The following ZNF607 variants were observed in gnomAD, a reference collection of about 807,000 sequenced individuals.
ZNF607 encodes the protein zinc finger protein 607.
ZNF607 carries 5 observed loss-of-function variants against 12.8 expected under a neutral mutation model. That is an observed-to-expected ratio of 0.39 (90% CI 0.20 to 0.82). ZNF607 has a LOEUF of 0.82. Ranked by LOEUF, ZNF607 falls within the 40% of genes least tolerant of loss-of-function variation. ZNF607 has a pLI of 0.39. For synonymous variants in ZNF607, 287 were observed against 276.2 expected (o/e 1.04, Z -0.39); for missense variants, 851 against 859.2 (o/e 0.99, Z 0.12).
intron 1 of ZNF607, among the ~76,000 whole-genome samples, chr19:37,717,319 G>A (rs1415145815): frequency 1.3e-5 from 2 of 152,046 alleles, no homozygotes; most frequent in Admixed American, 6.5e-5. Context: ...CCGACTAGCT[G>A]GGACTACAGG....
At chr19:37,711,308 C>A (rs964938661) in intron 2 of ZNF607, among the ~76,000 whole-genome samples, 1 of 152,150 alleles carries the variant, frequency 6.6e-6, no homozygotes, top group Non-Finnish European at 1.5e-5. Flanking sequence ...ACCTGAAATG[C>A]GTATTATCTG....
chr19:37,713,613 T>C (rs1227759632), intron 1 of ZNF607, among the ~76,000 whole-genome samples: 7 of 152,010 alleles, frequency 4.6e-5, no homozygotes, highest in African/African-American at 1.7e-4. Flanking sequence ...CTAATTTTTG[T>C]ATTTTTAGTA....
Position 37,697,066 on chromosome 19 carries a change from CCT to C in ZNF607, c.*972_*973del. 2 of 741,076 alleles carry C rather than the reference CCT, an allele frequency of 2.7e-6. No homozygotes were observed. Among genetic ancestry groups the C allele is most frequent in the African/African-American group, 1.7e-5 (1 of 58,268 alleles). 45.9% of individuals were successfully genotyped at this position (741,076 alleles called of 1,614,324 possible). On this transcript the variant is annotated 3_prime_UTR_variant, in exon 5 of 5. Coordinates refer to ENST00000355202, the MANE Select transcript of ZNF607 (RefSeq NM_032689.5). ...AACGGCAGCACACACTCATCGTAGT[CCT>C]CTCCAATGCTGGTGAAGATGCGAGG...
chr19:37,714,632 G>C (rs1303078779), intron 1 of ZNF607, among the ~76,000 whole-genome samples: 1 of 151,206 alleles, frequency 6.6e-6, no homozygotes, highest in Admixed American at 6.6e-5. Flanking sequence ...TAAGAAGACA[G>C]GCTGTCTTCT....
At chr19:37,711,246 C>T (rs546105632) in intron 2 of ZNF607, among the ~76,000 whole-genome samples, 1 of 152,158 alleles carries the variant, frequency 6.6e-6, no homozygotes, top group African/African-American at 2.4e-5. Flanking sequence ...AAAGACTTCC[C>T]ATGGATGGTC....
At position 37,698,336 on chromosome 19, in the gene ZNF607, T is replaced by TA. The variant is rs752774104; in HGVS notation, c.1794dup (p.Ser599Ter). On this transcript the variant is annotated frameshift_variant, in exon 5 of 5. Coordinates refer to ENST00000355202, the MANE Select transcript of ZNF607 (RefSeq NM_032689.5). LOFTEE classifies it low-confidence loss of function (END_TRUNC). ...TGAATAATAAGATGTGAAGCATGAC[T>TA]AAAAGTTTCCCCACATTCTTTACAT... The TA allele has an allele frequency of 2.5e-6, 4 of 1,614,180 alleles. No individual in the cohort carries two copies. In the South Asian group the frequency reaches 3.3e-5, roughly 13 times the overall value.
At chr19:37,704,732 C>T (rs2045066014) in intron 4 of ZNF607, among the ~76,000 whole-genome samples, 1 of 152,136 alleles carries the variant, frequency 6.6e-6, no homozygotes, top group Non-Finnish European at 1.5e-5. Flanking sequence ...GGCGAGCGGG[C>T]GGATCACAAG....
At chr19:37,701,841 T>C (rs1274295903) in intron 4 of ZNF607, among the ~76,000 whole-genome samples, 2 of 152,018 alleles carry the variant, frequency 1.3e-5, no homozygotes, top group East Asian at 3.9e-4. Context: ...ACACTGGAAA[T>C]GATGGACAAC....
At chr19:37,707,104 G>A (rs1360780291) in intron 4 of ZNF607, among the ~76,000 whole-genome samples, 2 of 152,154 alleles carry the variant, frequency 1.3e-5, no homozygotes, top group African/African-American at 2.4e-5. Context: ...GGGATTACAG[G>A]TGTGAGCCAC....
chr19:37,708,416 G>A (rs1038388497), intron 3 of ZNF607, among the ~76,000 whole-genome samples: 9 of 151,594 alleles, frequency 5.9e-5, no homozygotes, highest in Admixed American at 3.3e-4. Context: ...GGCTGGTCTC[G>A]AACTCCTGAC....
chr19:37,711,465 C>T, intron 2 of ZNF607, 145 bp downstream of exon 2: 1 of 805,834 alleles, frequency 1.2e-6, no homozygotes. Flanking sequence ...TGATGTGGTA[C>T]ATATTTTACT....
chr19:37,699,716 C>T lies in ZNF607; in HGVS notation c.415G>A (p.Glu139Lys), dbSNP rs2045021753. ...LMVHQTIHTS[E>K]EPDQCEKFRK... ...AACTTTTCACATTGATCAGGTTCCT[C>T]ACTAGTATGAATTGTTTGATGTACC... Residue 139 changes from glutamate (E) to lysine (K), a missense_variant, in exon 5 of 5, where the codon GAG becomes AAG. Glu to Lys is a moderately conservative substitution (Grantham distance 56). Coordinates refer to ENST00000355202, the MANE Select transcript of ZNF607 (RefSeq NM_032689.5). 1.9e-6 allele frequency: 3 copies of T among 1,614,068 alleles called. No individual in the cohort carries two copies. The highest frequency in any genetic ancestry group is 2.5e-6 in the Non-Finnish European group (3 of 1,179,998).
In ZNF607 at chr19:37,696,764, C is replaced by T. The variant is rs1410450964; in HGVS notation, c.*1276G>A. On this transcript the variant is annotated 3_prime_UTR_variant, in exon 5 of 5. Transcript: ENST00000355202. The stretch of plus-strand genomic sequence containing the variant: ...TCCCCTGCAGTGGCCAGTGAGTTGG[C>T]GATCAGCTCAGCTGCCTTGGAGTCA... 6.1e-6 allele frequency: 8 copies of T among 1,319,872 alleles called. No homozygotes were observed. The highest frequency in any genetic ancestry group is 8.7e-6 in the Non-Finnish European group (8 of 921,530). The allele number at this position is 1,319,872 out of a possible 1,614,324, so 81.8% of individuals were successfully genotyped here.
Position 37,699,397 on chromosome 19 carries a change from C to T in ZNF607, c.734G>A (p.Ser245Asn), listed in dbSNP as rs188971570. ...SVYGRLSRHQ[S>N]IHTGEKPFEC... Reference sequence around the variant, plus strand: ...AAAGGGCTTCTCACCAGTGTGAATACTCTGATGTCGACTAAGTCGTCCATA... The same window carrying T: ...AAAGGGCTTCTCACCAGTGTGAATATTCTGATGTCGACTAAGTCGTCCATA... The change falls in exon 5 of 5, where the codon AGT (serine) becomes AAT (asparagine). Residue 245 changes from serine (S) to asparagine (N), a missense_variant. Transcript: ENST00000355202. 20 of 1,614,160 alleles carry T rather than the reference C, an allele frequency of 1.2e-5. No individual in the cohort carries two copies. The highest frequency in any genetic ancestry group is 1.2e-4 in the Admixed American group (7 of 60,020).
At position 37,696,432 on chromosome 19, in the gene ZNF607, T is replaced by C. The variant is rs1479542525; in HGVS notation, c.*1608A>G. ...TATATTTCATGTAGTTTCCCATAAT[T>C]TTTTCATGTACTAACTCATGTAATT... On this transcript the variant is annotated 3_prime_UTR_variant, in exon 5 of 5. Coordinates refer to ENST00000355202, the MANE Select transcript of ZNF607 (RefSeq NM_032689.5). 4.0e-6 allele frequency: 1 copy of C among 252,870 alleles called. No homozygotes were observed. Among genetic ancestry groups the C allele is most frequent in the African/African-American group, 2.3e-5 (1 of 43,732 alleles). 15.7% of individuals were successfully genotyped at this position (252,870 alleles called of 1,614,324 possible). A position where few individuals can be genotyped will look rare whatever the true frequency, so the allele number is the denominator to read the frequency against.
In ZNF607 at chr19:37,699,161, G is replaced by A. The variant is rs746214848; in HGVS notation, c.970C>T (p.Leu324Phe). ...CGKGFTCRYQ[L>F]TMHQRIYSGE... ...GAATAAATTCTCTGATGCATGGTAA[G>A]TTGATACCTACATGTAAAGCCCTTC... Residue 324 changes from leucine to phenylalanine, a missense_variant, in exon 5 of 5, where the codon CTT becomes TTT. Physicochemically the swap from Leu to Phe is conservative, Grantham distance 22. Coordinates refer to ENST00000355202, the MANE Select transcript of ZNF607 (RefSeq NM_032689.5). 3.7e-6 allele frequency: 6 copies of A among 1,614,124 alleles called. No individual in the cohort carries two copies. In the South Asian group the frequency reaches 5.5e-5, roughly 15 times the overall value.
rs2045024044 is a variant in ZNF607 at position 37,699,870 on chromosome 19, G to T, written c.261C>A (p.Ile87=). 1 of 1,592,080 alleles carries T rather than the reference G, an allele frequency of 6.3e-7. No homozygotes were observed. The highest frequency in any genetic ancestry group is 1.4e-5 in the African/African-American group (1 of 74,048). The change falls in exon 5 of 5, where the codon ATC becomes ATA. Residue 87 remains isoleucine (I), a synonymous_variant. Transcript: ENST00000355202. ...CTDLDSRCEI[I]SDGKMQLYRK... ...TATAAAGCTGCATTTTCCCATCGCT[G>T]ATTATTTCACATCTTGAATCCAAAT...
rs1044114291 is a variant in ZNF607, at chr19:37,697,255, C to T, written c.*785G>A. On this transcript the variant is annotated 3_prime_UTR_variant, in exon 5 of 5. Coordinates refer to ENST00000355202, the MANE Select transcript of ZNF607 (RefSeq NM_032689.5). Reference sequence around the variant, plus strand: ...ATGAGAAAGTGAGTCCCTTCCCCTACCACAATGTTCTGTACTCCACGGAAT... The same window carrying T: ...ATGAGAAAGTGAGTCCCTTCCCCTATCACAATGTTCTGTACTCCACGGAAT... The T allele has an allele frequency of 9.0e-6, 7 of 777,422 alleles. No individual in the cohort carries two copies. The highest frequency in any genetic ancestry group is 4.1e-5 in the South Asian group (3 of 73,418). 48.2% of individuals were successfully genotyped at this position (777,422 alleles called of 1,614,324 possible).
At chr19:37,703,962 C>T (rs2045060217) in intron 4 of ZNF607, among the ~76,000 whole-genome samples, 1 of 152,038 alleles carries the variant, frequency 6.6e-6, no homozygotes, top group African/African-American at 2.4e-5. Flanking sequence ...TAGTGAAACC[C>T]TGTCTCTAAT....
Sources: allele counts gnomAD v4.1 joint callset (sites outside exome capture counted in the v4.1 genomes callset), GRCh38; gene constraint gnomAD v4.1.1; transcripts MANE v1.5; gene names NCBI Gene and HGNC (gene_info 2026-07-23, HGNC 2026-07-21).